The following XPO1 variants were observed in gnomAD, a reference collection of about 807,000 sequenced individuals.
The protein encoded by XPO1 is exportin 1.
XPO1 carries 5 observed loss-of-function variants against 133.3 expected under a neutral mutation model. That is an observed-to-expected ratio of 0.04 (90% CI 0.02 to 0.08). The LOEUF is 0.08. Ranked by LOEUF, XPO1 falls within the 10% of genes least tolerant of loss-of-function variation. XPO1 has a pLI of 1.00. For synonymous variants in XPO1, 419 were observed against 408.2 expected (o/e 1.03, Z -0.32); for missense variants, 506 against 1,267.5 (o/e 0.40, Z 9.12).
At chr2:61,533,641 T>C (rs1699252002) in intron 2 of XPO1, 131 bp downstream of exon 2, 4 of 1,112,252 alleles carry the variant, frequency 3.6e-6, no homozygotes, top group Non-Finnish European at 4.7e-6. Context: ...TCATTATGGT[T>C]AATACAGAAT....
Position 61,481,297 on chromosome 2 carries a change from C to G in XPO1, c.2973-16G>C. ...TACTTGAGCACTGCAAATCAAAACA[C>G]AATGATTAAATAATGATTTATTTTT... On this transcript the variant is annotated splice_polypyrimidine_tract_variant and intron_variant, in intron 23 of 24. Transcript: ENST00000401558. 1 of 1,581,736 alleles carries G rather than the reference C, an allele frequency of 6.3e-7. No individual in the cohort carries two copies. The highest frequency in any genetic ancestry group is 8.6e-7 in the Non-Finnish European group (1 of 1,159,096).
In XPO1 at chr2:61,493,883, C is replaced by T. The variant is rs201785598; in HGVS notation, c.1245+11G>A. On this transcript the variant is annotated intron_variant, in intron 12 of 24. Coordinates refer to ENST00000401558, the MANE Select transcript of XPO1 (RefSeq NM_003400.4). ...GCAACAGGAAGAACACTCAACCAAC[C>T]GCTCTGTTACCTTGAATAACATGGG... is the stretch of plus-strand genomic sequence containing the variant. 1.2e-4 allele frequency: 191 copies of T among 1,613,804 alleles called. No individual in the cohort carries two copies. The highest frequency in any genetic ancestry group is 1.6e-4 in the Non-Finnish European group (184 of 1,179,856).
intron 4 of XPO1, among the ~76,000 whole-genome samples, chr2:61,520,109 C>T (rs1271665002): frequency 6.6e-6 from 1 of 152,106 alleles, no homozygotes; most frequent in African/African-American, 2.4e-5. Flanking sequence ...ATATGCACCC[C>T]AGGTGAACAA....
chr2:61,493,088 C>A (rs900628257), intron 12 of XPO1, 35 bp from the exon 13 acceptor site: 26 of 1,531,246 alleles, frequency 1.7e-5, no homozygotes, highest in Non-Finnish European at 2.2e-5. Flanking sequence ...AGAAAAAAAT[C>A]GTTAGATCAC....
intron 9 of XPO1, among the ~76,000 whole-genome samples, chr2:61,498,444 C>A (rs570455697): frequency 1.3e-5 from 2 of 152,260 alleles, no homozygotes; most frequent in South Asian, 4.2e-4. Context: ...TAATCAAATC[C>A]ATTGTTCAAA....
At chr2:61,494,831 AAGAG>A (rs1346366499) in intron 11 of XPO1, 1 of 147,912 alleles carries the variant, frequency 6.8e-6, no homozygotes, top group Non-Finnish European at 1.5e-5. Flanking sequence ...TATATATATA[AAGAG>A]AGAGAGAGAG....
At chr2:61,533,363 G>A (rs572292790) in intron 2 of XPO1, among the ~76,000 whole-genome samples, 63 of 152,126 alleles carry the variant, frequency 4.1e-4, no homozygotes, top group Non-Finnish European at 8.5e-4. Context: ...ACTTTGAAAA[G>A]TGCACAAAAT....
At chr2:61,502,478 G>T in intron 4 of XPO1, 168 bp from the exon 5 acceptor site, 1 of 594,458 alleles carries the variant, frequency 1.7e-6, no homozygotes, top group Middle Eastern at 4.8e-4. Flanking sequence ...GGCCCGGTGC[G>T]GTGGCTCACG....
chr2:61,482,450 C>G lies in XPO1; in HGVS notation c.2902G>C (p.Val968Leu). ...ISTSLNPGNP[V>L]NNQIFLQEYV... The stretch of plus-strand genomic sequence containing the variant: ...TCCTGAAGAAAGATTTGGTTGTTAA[C>G]TGGATTTCCAGGATTTAATGATGTA... Residue 968 changes from valine to leucine, a missense_variant, in exon 23 of 25, where the codon GTT becomes CTT. Physicochemically the swap from Val to Leu is conservative, Grantham distance 32 (BLOSUM62 1). Around this residue, in one of 6 missense-constraint regions of XPO1, gnomAD observed 203 missense variants for 365.9 expected, o/e 0.55. Coordinates refer to ENST00000401558, the MANE Select transcript of XPO1 (RefSeq NM_003400.4). 2 of 1,613,666 alleles carry G rather than the reference C, an allele frequency of 1.2e-6. No individual in the cohort carries two copies. Among genetic ancestry groups the G allele is most frequent in the Non-Finnish European group, 1.7e-6 (2 of 1,179,874 alleles).
intron 4 of XPO1, among the ~76,000 whole-genome samples, chr2:61,516,604 G>C (rs1323410614): frequency 6.6e-6 from 1 of 151,766 alleles, no homozygotes; most frequent in Non-Finnish European, 1.5e-5. Context: ...AGTAGAGATG[G>C]GGTTTCTCCA....
In XPO1 at chr2:61,502,333, TA is replaced by T. The variant is rs768477035; in HGVS notation, c.302-24del. 3.1e-6 allele frequency: 5 copies of T among 1,602,930 alleles called. No homozygotes were observed. The Admixed American group carries it at 7.0e-5, about 22-fold the overall frequency. ...TTCCTATTAAAAAAATTGCACGTAA[TA>T]AAAAAATTGTTGAGCTCTTTTGTAG... On this transcript the variant is annotated intron_variant, in intron 4 of 24. Transcript: ENST00000401558.
At chr2:61,484,222 A>T in intron 20 of XPO1, 117 bp from the exon 21 acceptor site, 1 of 842,840 alleles carries the variant, frequency 1.2e-6, no homozygotes, top group South Asian at 1.8e-5. Flanking sequence ...AAACCACAGA[A>T]GATAGAATGC....
At chr2:61,499,407 G>C (rs1340727009) in intron 7 of XPO1, among the ~76,000 whole-genome samples, 1 of 152,102 alleles carries the variant, frequency 6.6e-6, no homozygotes, top group Non-Finnish European at 1.5e-5. Flanking sequence ...AGCAAGACTT[G>C]TCTCAAAATA....
chr2:61,500,451 T>C (rs1265100350), intron 6 of XPO1, among the ~76,000 whole-genome samples: 2 of 150,282 alleles, frequency 1.3e-5, no homozygotes, highest in African/African-American at 4.9e-5. Flanking sequence ...TGGTGACGTG[T>C]GCCTGTGATC....
At chr2:61,532,422 C>T (rs949234859) in intron 2 of XPO1, among the ~76,000 whole-genome samples, 5 of 151,994 alleles carry the variant, frequency 3.3e-5, no homozygotes, top group Non-Finnish European at 2.9e-5. Context: ...CCACCGCGCC[C>T]GGCCGGCACT....
rs1307113823 is a variant in XPO1, at chr2:61,514,775, C to T, written c.301+7836G>A. Among the ~76,000 whole-genome samples the T allele has an allele frequency of 4.6e-5, 7 of 152,020 alleles. No individual in the cohort carries two copies. In the East Asian group the frequency reaches 1.4e-3, roughly 29 times the overall value. On this transcript the variant is annotated intron_variant, in intron 4 of 24. Coordinates refer to ENST00000401558, the MANE Select transcript of XPO1 (RefSeq NM_003400.4). Reference sequence around the variant, plus strand: ...GAATACAGTTGGATGCTTAAACATACACCAAAACATCCATATGGGCTGGGC... The same window carrying T: ...GAATACAGTTGGATGCTTAAACATATACCAAAACATCCATATGGGCTGGGC...
At chr2:61,488,539 A>G (rs1306178289) in intron 18 of XPO1, 49 bp downstream of exon 18, 1 of 1,534,078 alleles carries the variant, frequency 6.5e-7, no homozygotes, top group African/African-American at 1.4e-5. Context: ...GCAGTAGAAG[A>G]GAAGTGGTTT....
chr2:61,507,166 G>A (rs1421855218), intron 4 of XPO1, among the ~76,000 whole-genome samples: 2 of 140,682 alleles, frequency 1.4e-5, no homozygotes, highest in Admixed American at 7.8e-5. Context: ...AGAATCACTT[G>A]AACCCAAGAT....
At chr2:61,496,851 G>T in intron 10 of XPO1, 28 bp downstream of exon 10, 1 of 1,493,272 alleles carries the variant, frequency 6.7e-7, no homozygotes, top group South Asian at 1.4e-5. Flanking sequence ...AAATTATTCA[G>T]CCAATTTTCA....
Sources: gnomAD v4.1 joint callset for allele counts (sites outside exome capture counted in the v4.1 genomes callset) on GRCh38, gnomAD v4.1.1 for gene constraint, gnomAD v4.1.1 regional missense constraint, MANE v1.5 for transcripts, NCBI Gene and HGNC (gene_info 2026-07-23, HGNC 2026-07-21) for gene names.